Variants in DOCK1 observed in about 807,000 individuals in gnomAD.
DOCK1 encodes the protein dedicator of cytokinesis 1, also known as dedicator of cytokinesis protein 1.
In DOCK1, 138 loss-of-function variants were observed where a neutral mutation model predicts 262.7. The ratio of observed to expected loss-of-function variants is 0.53; its 90% CI spans 0.46 to 0.61. The LOEUF (loss-of-function observed/expected upper bound fraction) is 0.61, where lower values mean the gene tolerates loss of function less well. Among genes scored for constraint, DOCK1 ranks in the 20% least tolerant of loss-of-function variants. The probability of loss-of-function intolerance (pLI) is 0.00; values close to 1 mark genes in which losing one functional copy is unlikely to be tolerated. For synonymous variants in DOCK1, 866 were observed against 867.4 expected (o/e 1.00, Z 0.03); for missense variants, 1,908 against 2,370.7 (o/e 0.80, Z 4.05).
At chr10:127,053,886 T>G (rs1008811087) in intron 22 of DOCK1, among the ~76,000 whole-genome samples, 1 of 152,118 alleles carries the variant, frequency 6.6e-6, no homozygotes, top group East Asian at 1.9e-4. Flanking sequence ...CTTGTTTTTT[T>G]GGGGGATGGC....
intron 30 of DOCK1, among the ~76,000 whole-genome samples, chr10:127,339,755 T>A (rs1438648993): frequency 7.2e-6 from 1 of 138,294 alleles, no homozygotes. Flanking sequence ...AGGATTGATT[T>A]TGCCTGGCCT....
intron 33 of DOCK1, among the ~76,000 whole-genome samples, chr10:127,362,916 C>T (rs1349052484): frequency 1.7e-4 from 6 of 34,500 alleles, no homozygotes; most frequent in Admixed American, 2.9e-4. Flanking sequence ...TCTCCACACA[C>T]ACATATACAC....
chr10:127,448,319 G>C (rs946689058), intron 51 of DOCK1, among the ~76,000 whole-genome samples: 1 of 152,162 alleles, frequency 6.6e-6, no homozygotes, highest in Admixed American at 6.5e-5. Context: ...ACAGCCCCTG[G>C]GCCTGCCTGC....
chr10:127,108,556 A>T (rs780762519), intron 24 of DOCK1, among the ~76,000 whole-genome samples: 3 of 152,206 alleles, frequency 2.0e-5, no homozygotes, highest in Non-Finnish European at 2.9e-5. Context: ...ATTGTACTCC[A>T]GCCTGGGTGA....
chr10:127,181,751 C>T (rs1183318083), intron 27 of DOCK1, among the ~76,000 whole-genome samples: 1 of 152,098 alleles, frequency 6.6e-6, no homozygotes, highest in Non-Finnish European at 1.5e-5. Context: ...CGGCTTCCAC[C>T]GGAAGGGGAG....
At chr10:127,320,208 A>C (rs191616487) in intron 29 of DOCK1, among the ~76,000 whole-genome samples, 1 of 152,252 alleles carries the variant, frequency 6.6e-6, no homozygotes, top group East Asian at 1.9e-4. Context: ...TTTATGATTA[A>C]GACAAGAGCA....
chr10:127,142,481 C>T (rs2051359196), intron 27 of DOCK1, among the ~76,000 whole-genome samples: 1 of 152,142 alleles, frequency 6.6e-6, no homozygotes, highest in Admixed American at 6.5e-5. Flanking sequence ...GAGCAGCAGC[C>T]TGGAAAAAGT....
intron 27 of DOCK1, among the ~76,000 whole-genome samples, chr10:127,243,034 C>G (rs1431108824): frequency 6.6e-6 from 1 of 152,130 alleles, no homozygotes; most frequent in Non-Finnish European, 1.5e-5. Context: ...TGTTGTGTGT[C>G]CCAGAGAGCA....
chr10:126,955,644 A>G (rs1394025204), intron 1 of DOCK1, among the ~76,000 whole-genome samples: 1 of 152,076 alleles, frequency 6.6e-6, no homozygotes, highest in African/African-American at 2.4e-5. Context: ...GATCTGGGGC[A>G]GAGTAGCTCT....
At chr10:127,398,520 G>C (rs551058151) in intron 38 of DOCK1, among the ~76,000 whole-genome samples, 12 of 152,350 alleles carry the variant, frequency 7.9e-5, no homozygotes, top group African/African-American at 2.6e-4. Flanking sequence ...CTCCCCCAGA[G>C]TTCCAGATTC....
At chr10:127,269,890 AAT>A (rs2060499284) in intron 29 of DOCK1, among the ~76,000 whole-genome samples, 1 of 152,184 alleles carries the variant, frequency 6.6e-6, no homozygotes, top group African/African-American at 2.4e-5. Flanking sequence ...GCATAACGAG[AAT>A]AGAGAGCTTG....
At chr10:127,192,352 T>C (rs1416893360) in intron 27 of DOCK1, among the ~76,000 whole-genome samples, 1 of 152,260 alleles carries the variant, frequency 6.6e-6, no homozygotes, top group Non-Finnish European at 1.5e-5. Context: ...GAATCATAAT[T>C]CCTGCTTGTC....
chr10:127,211,819 A>G (rs1368330690), intron 27 of DOCK1, among the ~76,000 whole-genome samples: 1 of 152,132 alleles, frequency 6.6e-6, no homozygotes, highest in East Asian at 1.9e-4. Context: ...CTGAGATACA[A>G]GGAGGTCCCT....
At chr10:127,126,563 T>C (rs1285383792) in intron 26 of DOCK1, among the ~76,000 whole-genome samples, 2 of 152,092 alleles carry the variant, frequency 1.3e-5, no homozygotes, top group Non-Finnish European at 2.9e-5. Flanking sequence ...AGAGCCTGTC[T>C]CTAGAAAATG....
At chr10:127,419,640 T>G in intron 45 of DOCK1, 26 bp from the exon 46 acceptor site, 1 of 1,582,916 alleles carries the variant, frequency 6.3e-7, no homozygotes, top group Middle Eastern at 1.7e-4. Context: ...GCAGGTGCAC[T>G]GAGCAACTCT....
chr10:127,415,004 ACACATGCCCTGTGCTGAGCAC>A, intron 43 of DOCK1, 127 bp from the exon 44 acceptor site: 3 of 657,164 alleles, frequency 4.6e-6, no homozygotes, highest in Non-Finnish European at 7.7e-6. Context: ...ACCTGAAGGC[ACACATGCCCTGTGCTGAGCAC>A]CACAGACCCT....
At chr10:126,999,660 C>T (rs941049739) in intron 9 of DOCK1, among the ~76,000 whole-genome samples, 2 of 152,112 alleles carry the variant, frequency 1.3e-5, no homozygotes, top group African/African-American at 4.8e-5. Flanking sequence ...ATGGAATGTG[C>T]CTCTTAAATG....
intron 29 of DOCK1, among the ~76,000 whole-genome samples, chr10:127,294,330 T>C (rs2135388483): frequency 6.6e-6 from 1 of 152,344 alleles, no homozygotes; most frequent in Middle Eastern, 3.4e-3. Context: ...TGTTTTTTGT[T>C]TTTTGTTTTA....
chr10:127,310,872 A>G (rs76956819), intron 29 of DOCK1, among the ~76,000 whole-genome samples: 3,709 of 152,280 alleles, frequency 0.024, 147 homozygotes, highest in African/African-American at 0.082. Context: ...CATTCAGAAG[A>G]AGAAAAGAAA....
Sources: allele counts gnomAD v4.1 joint callset (sites outside exome capture counted in the v4.1 genomes callset), GRCh38; gene constraint gnomAD v4.1.1; transcripts MANE v1.5; gene names NCBI Gene and HGNC (gene_info 2026-07-23, HGNC 2026-07-21).